Variants in STT3B observed in about 807,000 individuals in gnomAD.
STT3B encodes the protein STT3 oligosaccharyltransferase complex catalytic subunit B, also known as dolichyl-diphosphooligosaccharide--protein glycosyltransferase subunit STT3B.
In STT3B, 29 loss-of-function variants were observed where a neutral mutation model predicts 96.8. The ratio of observed to expected loss-of-function variants is 0.30; its 90% CI spans 0.22 to 0.41. STT3B has a LOEUF of 0.41. Ranked by LOEUF, STT3B falls within the 10% of genes least tolerant of loss-of-function variation. STT3B has a pLI of 1.00. For synonymous variants in STT3B, 367 were observed against 360.0 expected, an observed-to-expected ratio of 1.02 and a Z score of -0.22; for missense variants, 640 against 1,022.3, an observed-to-expected ratio of 0.63 and a Z score of 5.10.
At chr3:31,633,357 A>G (rs1433323890) in intron 15 of STT3B, among the ~76,000 whole-genome samples, 2 of 152,202 alleles carry the variant, frequency 1.3e-5, no homozygotes, top group Non-Finnish European at 2.9e-5. Context: ...ATTTTTCCAG[A>G]GGCCTTCTGG....
intron 1 of STT3B, chr3:31,533,827 C>G (rs1398715289): frequency 6.6e-6 from 1 of 152,420 alleles, no homozygotes; most frequent in Non-Finnish European, 1.5e-5. Flanking sequence ...GGAGGTGGGT[C>G]CAGATGTGCC....
chr3:31,591,368 A>G (rs1490227399), intron 3 of STT3B, among the ~76,000 whole-genome samples: 3 of 152,122 alleles, frequency 2.0e-5, no homozygotes, highest in Non-Finnish European at 4.4e-5. Context: ...TTGACTGCGT[A>G]TGGTTAGATC....
chr3:31,626,152 A>G lies in STT3B; in HGVS notation c.2073+25A>G, dbSNP rs762363514. On this transcript the variant is annotated intron_variant, in intron 13 of 15. Coordinates refer to ENST00000295770, the MANE Select transcript of STT3B (RefSeq NM_178862.3). ...GGTAAGAAACTAGATAATTCCAGGT[A>G]TGTGAAAGATAGCTCACTGTGTCCT... 12 of 1,594,202 alleles carry G rather than the reference A, an allele frequency of 7.5e-6. No individual in the cohort carries two copies. The East Asian group carries it at 2.2e-4, about 30-fold the overall frequency.
chr3:31,559,421 T>C (rs768435250), intron 1 of STT3B, among the ~76,000 whole-genome samples: 56 of 151,702 alleles, frequency 3.7e-4, no homozygotes, highest in Admixed American at 6.6e-4. Context: ...TTCCAAGAAA[T>C]TTTTTTTATT....
intron 2 of STT3B, among the ~76,000 whole-genome samples, chr3:31,576,962 T>C (rs976544257): frequency 1.3e-5 from 2 of 152,124 alleles, no homozygotes. Flanking sequence ...AAGATTATAG[T>C]TCATGCAGAC....
chr3:31,621,869 A>G (rs1035928651), intron 9 of STT3B, among the ~76,000 whole-genome samples: 1 of 152,246 alleles, frequency 6.6e-6, no homozygotes, highest in Non-Finnish European at 1.5e-5. Flanking sequence ...TTTGAATCAT[A>G]TACATTTTTC....
At chr3:31,625,770 T>TA (rs1699523322) in intron 12 of STT3B, among the ~76,000 whole-genome samples, 184 bp from the exon 13 acceptor site, 2 of 152,240 alleles carry the variant, frequency 1.3e-5, no homozygotes, top group Non-Finnish European at 2.9e-5. Flanking sequence ...GTAAATTAGT[T>TA]ATAGTAGTTG....
At chr3:31,567,721 G>A (rs1383293935) in intron 1 of STT3B, among the ~76,000 whole-genome samples, 2 of 151,932 alleles carry the variant, frequency 1.3e-5, no homozygotes, top group African/African-American at 4.8e-5. Context: ...ATAATTATGG[G>A]TACATAATAG....
chr3:31,583,250 CT>C (rs2125455169), intron 3 of STT3B, among the ~76,000 whole-genome samples: 1 of 152,136 alleles, frequency 6.6e-6, no homozygotes, highest in African/African-American at 2.4e-5. Context: ...TACCTTCTTG[CT>C]GTATTGAACT....
intron 1 of STT3B, among the ~76,000 whole-genome samples, chr3:31,535,336 ATT>A (rs879872078): frequency 7.0e-5 from 10 of 143,814 alleles, no homozygotes; most frequent in Non-Finnish European, 4.6e-5. Context: ...TATTTTTATT[ATT>A]TTTTTTTTTT....
chr3:31,589,559 G>T (rs1698619266), intron 3 of STT3B, among the ~76,000 whole-genome samples: 1 of 151,798 alleles, frequency 6.6e-6, no homozygotes, highest in Admixed American at 6.6e-5. Flanking sequence ...TCTGGAGTCT[G>T]TTCTGTTCCA....
chr3:31,544,639 A>G (rs768686415), intron 1 of STT3B, among the ~76,000 whole-genome samples: 38 of 152,186 alleles, frequency 2.5e-4, no homozygotes, highest in Non-Finnish European at 5.3e-4. Context: ...AATCTATTAC[A>G]GTGAGCAGGG....
intron 1 of STT3B, among the ~76,000 whole-genome samples, chr3:31,558,411 A>T (rs1014174841): frequency 6.6e-6 from 1 of 152,208 alleles, no homozygotes; most frequent in Non-Finnish European, 1.5e-5. Flanking sequence ...TTAAGTTCAA[A>T]ATTAAAAAAT....
At chr3:31,552,434 A>G (rs562626109) in intron 1 of STT3B, among the ~76,000 whole-genome samples, 26 of 152,342 alleles carry the variant, frequency 1.7e-4, no homozygotes, top group African/African-American at 6.3e-4. Flanking sequence ...AGCTTATAAT[A>G]GGGAGATAAA....
At chr3:31,585,150 ACTGTTACAAG>A (rs1698507494) in intron 3 of STT3B, among the ~76,000 whole-genome samples, 1 of 152,084 alleles carries the variant, frequency 6.6e-6, no homozygotes. Flanking sequence ...ATGCCCTATT[ACTGTTACAAG>A]CTGGTGTTGA....
At position 31,534,885 on chromosome 3, in the gene STT3B, C is replaced by G. The variant is rs140866403; in HGVS notation, c.314+1573C>G. Among the ~76,000 whole-genome samples, 569 of 152,164 alleles carry G rather than the reference C, an allele frequency of 3.7e-3. 8 individuals are homozygous for G. The highest frequency in any genetic ancestry group is 0.013 in the African/African-American group (529 of 41,502). On this transcript the variant is annotated intron_variant, in intron 1 of 15. Transcript: ENST00000295770. ...ATGTTAGTGTAGACTATTTATGAGCCTAAGAATACCTGTGAAGGCTTATTG... is the reference window on the plus strand; with the variant it reads ...ATGTTAGTGTAGACTATTTATGAGCGTAAGAATACCTGTGAAGGCTTATTG...
At chr3:31,571,461 C>T (rs1698134230) in intron 1 of STT3B, among the ~76,000 whole-genome samples, 1 of 152,106 alleles carries the variant, frequency 6.6e-6, no homozygotes, top group African/African-American at 2.4e-5. Context: ...GCACAATTCT[C>T]ATGCCCATCA....
rs1472419582 is a variant in STT3B, at chr3:31,619,848, T to C, written c.1327+18T>C. The C allele has an allele frequency of 1.3e-6, 2 of 1,596,888 alleles. No homozygotes were observed. The highest frequency in any genetic ancestry group is 1.4e-5 in the African/African-American group (1 of 73,740). ...AGTATTTGGTAAGAGAGGTTTTTAA[T>C]GAATACTTTGATATGGAATAGTTAT... On this transcript the variant is annotated intron_variant, in intron 9 of 15. Transcript: ENST00000295770.
intron 1 of STT3B, among the ~76,000 whole-genome samples, chr3:31,570,416 C>T (rs1430009654): frequency 1.3e-5 from 2 of 152,072 alleles, no homozygotes; most frequent in South Asian, 4.1e-4. Context: ...GAGGATGAAA[C>T]ATTAGAGAAG....
Sources: gnomAD v4.1 joint callset for allele counts (sites outside exome capture counted in the v4.1 genomes callset) on GRCh38, gnomAD v4.1.1 for gene constraint, MANE v1.5 for transcripts, NCBI Gene and HGNC (gene_info 2026-07-23, HGNC 2026-07-21) for gene names.